SLIT3: variants seen among roughly 807,000 people sequenced by gnomAD.
SLIT3 encodes slit homolog 3 protein.
Under a neutral mutation model 184.0 loss-of-function variants are expected in SLIT3, and 68 were observed. That is an observed-to-expected ratio of 0.37 (90% CI 0.30 to 0.45). The LOEUF is 0.45. Ranked by LOEUF, SLIT3 falls within the 20% of genes least tolerant of loss-of-function variation. SLIT3 has a pLI of 1.00. For missense variants in SLIT3, 1,707 were observed against 2,026.0 expected (o/e 0.84, Z 3.02); for synonymous variants, 831 against 828.6 (o/e 1.00, Z -0.05).
At chr5:169,118,067 C>T (rs115186687) in intron 4 of SLIT3, among the ~76,000 whole-genome samples, 44 of 152,110 alleles carry the variant, frequency 2.9e-4, no homozygotes, top group African/African-American at 9.6e-4. Context: ...AATCCCAGTG[C>T]TTTGGGAGGC....
intron 4 of SLIT3, among the ~76,000 whole-genome samples, chr5:169,073,693 C>A (rs376117309): frequency 5.9e-5 from 9 of 151,840 alleles, no homozygotes; most frequent in East Asian, 5.8e-4. Flanking sequence ...TGAGAGCTGG[C>A]GGTTTAAAAG....
chr5:168,917,380 T>C (rs1761478479), intron 4 of SLIT3, among the ~76,000 whole-genome samples: 2 of 152,212 alleles, frequency 1.3e-5, no homozygotes, highest in African/African-American at 2.4e-5. Flanking sequence ...CCAGCTTGTG[T>C]TCTTGCCTAC....
chr5:169,270,655 C>T (rs1766571021), intron 1 of SLIT3, among the ~76,000 whole-genome samples: 1 of 151,864 alleles, frequency 6.6e-6, no homozygotes, highest in South Asian at 2.1e-4. Context: ...GATCTAGGCG[C>T]TTATATAGTC....
At position 168,806,355 on chromosome 5, in the gene SLIT3, C is replaced by T. The variant is rs564833343; in HGVS notation, c.935+91G>A. ...TTTTAATGGTCAGCTCCAGCAGCCC[C>T]ACACGCTGATGGCCTAGTGGGTGAT... On this transcript the variant is annotated intron_variant, in intron 9 of 35. Coordinates refer to ENST00000519560, the MANE Select transcript of SLIT3 (RefSeq NM_003062.4). The T allele has an allele frequency of 2.1e-6, 3 of 1,413,630 alleles. No individual in the cohort carries two copies. In the Admixed American group the frequency reaches 5.1e-5, roughly 24 times the overall value. The allele number at this position is 1,413,630 out of a possible 1,614,324, so 87.6% of individuals were successfully genotyped here.
chr5:169,253,086 A>T (rs1765832248), intron 1 of SLIT3, among the ~76,000 whole-genome samples: 2 of 151,630 alleles, frequency 1.3e-5, no homozygotes, highest in Admixed American at 6.6e-5. Context: ...TTTAGAAGAA[A>T]AAAAAAAAAG....
chr5:169,037,810 T>G (rs1388777701), intron 4 of SLIT3: 2 of 152,270 alleles, frequency 1.3e-5, no homozygotes, highest in African/African-American at 4.8e-5. Context: ...TGCCGCACTG[T>G]GACCTCGTCC....
chr5:168,707,928 A>T, intron 26 of SLIT3, 48 bp downstream of exon 26: 1 of 1,611,190 alleles, frequency 6.2e-7, no homozygotes, highest in Non-Finnish European at 8.5e-7. Flanking sequence ...CCAGGGCTGA[A>T]GGAGGAGCCT....
At chr5:168,682,714 A>G (rs1288970832) in intron 32 of SLIT3, among the ~76,000 whole-genome samples, 2 of 152,166 alleles carry the variant, frequency 1.3e-5, no homozygotes, top group African/African-American at 4.8e-5. Flanking sequence ...TAAGATTTTA[A>G]TGGAAGAAAA....
chr5:169,208,743 T>G (rs1421006437), intron 3 of SLIT3, among the ~76,000 whole-genome samples: 2 of 152,198 alleles, frequency 1.3e-5, no homozygotes, highest in African/African-American at 4.8e-5. Context: ...TGCAGAAAAC[T>G]GAAACTGGAC....
chr5:168,917,811 T>C (rs1012510359), intron 4 of SLIT3, among the ~76,000 whole-genome samples: 8 of 152,200 alleles, frequency 5.3e-5, no homozygotes, highest in Non-Finnish European at 1.0e-4. Context: ...GATTCTTTTT[T>C]CCCCAGGCTG....
chr5:169,018,426 C>A (rs1756476383), intron 4 of SLIT3: 1 of 152,196 alleles, frequency 6.6e-6, no homozygotes, highest in South Asian at 2.1e-4. Flanking sequence ...GAGTATCAAC[C>A]TGAGCCCAGG....
intron 29 of SLIT3, among the ~76,000 whole-genome samples, chr5:168,687,680 T>C (rs1272636789): frequency 2.6e-5 from 4 of 152,246 alleles, no homozygotes; most frequent in Non-Finnish European, 5.9e-5. Context: ...ATGCAATTGA[T>C]AAATAACTCC....
At chr5:169,223,247 AC>A (rs1764677773) in intron 3 of SLIT3, among the ~76,000 whole-genome samples, 1 of 152,182 alleles carries the variant, frequency 6.6e-6, no homozygotes, top group South Asian at 2.1e-4. Flanking sequence ...TCCCAGGAAC[AC>A]CAGCCTAGCA....
At chr5:168,971,412 A>G (rs1209851370) in intron 4 of SLIT3, among the ~76,000 whole-genome samples, 1 of 152,208 alleles carries the variant, frequency 6.6e-6, no homozygotes, top group African/African-American at 2.4e-5. Context: ...ACTGTACCCC[A>G]TTGCAGGAAT....
rs530193450 is a variant in SLIT3 at position 168,783,267 on chromosome 5, C to T, written c.1151+2640G>A. ...GCTTGTTCCTTGTGGATGCACTTGCCGCAGCCTCTAAAAAAACGGAGACAT... is the reference window on the plus strand; with the variant it reads ...GCTTGTTCCTTGTGGATGCACTTGCTGCAGCCTCTAAAAAAACGGAGACAT... On this transcript the variant is annotated intron_variant, in intron 12 of 35. Transcript: ENST00000519560. 2.2e-4 allele frequency among the ~76,000 whole-genome samples: 21 copies of T among 96,920 alleles called. No individual in the cohort carries two copies. In the East Asian group the frequency reaches 2.3e-3, roughly 10 times the overall value. The allele number at this position is 96,920 out of a possible 152,430, so 63.6% of individuals were successfully genotyped here. A position where few individuals can be genotyped will look rare whatever the true frequency, so the allele number is the denominator to read the frequency against.
At chr5:168,934,730 T>TG (rs1762098396) in intron 4 of SLIT3, among the ~76,000 whole-genome samples, 1 of 152,262 alleles carries the variant, frequency 6.6e-6, no homozygotes, top group East Asian at 1.9e-4. Context: ...GGGTCTATTT[T>TG]GGGAATTAGA....
rs112834132 is a variant in SLIT3, at chr5:168,964,073, A to C, written c.414-80737T>G. ...TGGACAGAAATGCAGGGGGCTACAT[A>C]AAAGCAAATAAAATAAAATAATTTA... is the stretch of plus-strand genomic sequence containing the variant. On this transcript the variant is annotated intron_variant, in intron 4 of 35. Transcript: ENST00000519560. Among the ~76,000 whole-genome samples the C allele has an allele frequency of 5.7e-3, 871 of 152,348 alleles. 10 individuals are homozygous for C. Among genetic ancestry groups the C allele is most frequent in the African/African-American group, 0.019 (797 of 41,578 alleles).
At chr5:168,712,609 A>G in intron 23 of SLIT3, 1 of 473,894 alleles carries the variant, frequency 2.1e-6, no homozygotes, top group Non-Finnish European at 3.8e-6. Flanking sequence ...AGGCGAAATC[A>G]GAAACCAGTC....
intron 12 of SLIT3, among the ~76,000 whole-genome samples, chr5:168,782,978 C>G (rs996579731): frequency 2.0e-5 from 3 of 152,100 alleles, no homozygotes; most frequent in African/African-American, 7.2e-5. Flanking sequence ...TTTCTAGAAA[C>G]CATTACGATG....
Sources: gnomAD v4.1 joint callset for allele counts (sites outside exome capture counted in the v4.1 genomes callset) on GRCh38, gnomAD v4.1.1 for gene constraint, MANE v1.5 for transcripts, NCBI Gene and HGNC (gene_info 2026-07-23, HGNC 2026-07-21) for gene names.